Variants in BANP observed in about 807,000 individuals in gnomAD.
The protein encoded by BANP is BTG3 associated nuclear protein.
Under a neutral mutation model 68.1 loss-of-function variants are expected in BANP, and 11 were observed. The observed-to-expected ratio is 0.16, with a 90% CI of 0.10 to 0.27. The LOEUF (loss-of-function observed/expected upper bound fraction) is 0.27. Among genes scored for constraint, BANP ranks in the 10% least tolerant of loss-of-function variants. The probability of loss-of-function intolerance (pLI) is 1.00; values close to 1 mark genes in which losing one functional copy is unlikely to be tolerated. For synonymous variants in BANP, 329 were observed against 303.2 expected, an observed-to-expected ratio of 1.09 and a Z score of -0.88; for missense variants, 504 against 722.7, an observed-to-expected ratio of 0.70 and a Z score of 3.47.
Position 87,987,712 on chromosome 16 carries a change from CAAAAAAAA to C in BANP, c.362+3473_362+3480del, listed in dbSNP as rs66648819. On this transcript the variant is annotated intron_variant, in intron 4 of 13. Coordinates refer to ENST00000682872, the MANE Select transcript of BANP (RefSeq NM_001386991.1). ...CTCCAGGCTGAGCGAGACCCTAACT[CAAAAAAAA>C]AAAAAAAAAAAAAAAAAAAGGATGT... 1.1e-3 allele frequency among the ~76,000 whole-genome samples: 32 copies of C among 30,366 alleles called. 1 individual carries two copies. The highest frequency in any genetic ancestry group is 2.4e-3 in the African/African-American group (19 of 7,906). The allele number at this position is 30,366 out of a possible 152,430, so 19.9% of individuals were successfully genotyped here. A position where few individuals can be genotyped will look rare whatever the true frequency, so the allele number is the denominator to read the frequency against.
chr16:88,064,527 G>A lies in BANP; in HGVS notation c.1312-740G>A, dbSNP rs893564152. Among the ~76,000 whole-genome samples, 2 of 152,378 alleles carry A rather than the reference G, an allele frequency of 1.3e-5. No homozygotes were observed. The highest frequency in any genetic ancestry group is 3.4e-3 in the Middle Eastern group (1 of 294). On this transcript the variant is annotated intron_variant, in intron 11 of 13. Coordinates refer to ENST00000682872, the MANE Select transcript of BANP (RefSeq NM_001386991.1). This position sits in a 1 kb window ranked among gnomAD's most constrained non-coding sequence, Gnocchi z 4.5. ...AGATGCTCCCAGGATGCGGCTAGGC[G>A]TCCAGGCCAGCATCGGGTTGGCTGA...
At chr16:88,031,911 T>A (rs1323421947) in intron 8 of BANP, among the ~76,000 whole-genome samples, 2 of 151,550 alleles carry the variant, frequency 1.3e-5, no homozygotes, top group African/African-American at 4.9e-5. Context: ...TTCAAGTGGT[T>A]CTCCTACTTC....
intron 1 of BANP, among the ~76,000 whole-genome samples, chr16:87,974,535 G>A (rs2061676246): frequency 6.6e-6 from 1 of 152,226 alleles, no homozygotes; most frequent in African/African-American, 2.4e-5. Flanking sequence ...AACGGAGTAT[G>A]GGTTGTAGTC....
At chr16:87,988,818 G>C (rs1276114011) in intron 4 of BANP, among the ~76,000 whole-genome samples, 1 of 152,178 alleles carries the variant, frequency 6.6e-6, no homozygotes, top group Non-Finnish European at 1.5e-5. Flanking sequence ...GTTTAGAGCG[G>C]CTGCATCTGC....
intron 1 of BANP, among the ~76,000 whole-genome samples, chr16:87,972,736 C>A (rs901499653): frequency 3.3e-5 from 5 of 152,222 alleles, no homozygotes; most frequent in African/African-American, 1.2e-4. Context: ...TCCCCTCCCA[C>A]CTTTAATGAG....
At chr16:88,011,567 A>G (rs911494321) in intron 6 of BANP, among the ~76,000 whole-genome samples, 1 of 152,252 alleles carries the variant, frequency 6.6e-6, no homozygotes, top group African/African-American at 2.4e-5. Context: ...AACAAAATAA[A>G]AGCAGCCCAC....
chr16:88,013,993 C>G (rs75885601), intron 6 of BANP, among the ~76,000 whole-genome samples: 2 of 152,158 alleles, frequency 1.3e-5, no homozygotes, highest in African/African-American at 4.8e-5. Flanking sequence ...GAGCTGTGAG[C>G]CGCAAACACA....
At chr16:88,039,974 A>G (rs2080340058) in intron 11 of BANP, among the ~76,000 whole-genome samples, 2 of 152,234 alleles carry the variant, frequency 1.3e-5, no homozygotes, top group Admixed American at 1.3e-4. Flanking sequence ...TATGTGAAAC[A>G]AATAATAATT....
At chr16:88,042,187 G>C (rs1437610500) in intron 11 of BANP, among the ~76,000 whole-genome samples, 2 of 152,258 alleles carry the variant, frequency 1.3e-5, no homozygotes, top group Non-Finnish European at 2.9e-5. Context: ...CCAGTGTTGG[G>C]GGGTAGCAGT....
chr16:87,976,292 T>C (rs1398458528), intron 2 of BANP, among the ~76,000 whole-genome samples: 1 of 152,114 alleles, frequency 6.6e-6, no homozygotes, highest in African/African-American at 2.4e-5. Context: ...TGAGAACAAG[T>C]TTTTTCTACA....
Position 88,072,131 on chromosome 16 carries a change from T to A in BANP, c.1440T>A (p.Asp480Glu). The change falls in exon 13 of 14, where the codon GAT becomes GAA. Residue 480 changes from aspartate to glutamate, a missense_variant. Asp to Glu is a conservative substitution (Grantham distance 45). This residue lies in a region of BANP where 223 missense variants were observed against 246.2 expected (regional missense o/e 0.91). Transcript: ENST00000682872. ...CGGACCCCGCGGCGGCGGGCGTGGATGGGTCGCCACTCCAGGGCAGCGACA... is the reference window on the plus strand; with the variant it reads ...CGGACCCCGCGGCGGCGGGCGTGGAAGGGTCGCCACTCCAGGGCAGCGACA... The part of the protein sequence containing the change: ...ASSDPAAAGV[D>E]GSPLQGSDIQ... 1 of 1,610,018 alleles carries A rather than the reference T, an allele frequency of 6.2e-7. No individual in the cohort carries two copies. Among genetic ancestry groups the A allele is most frequent in the South Asian group, 1.1e-5 (1 of 90,646 alleles).
chr16:87,970,898 T>A (rs2060983163), intron 1 of BANP, among the ~76,000 whole-genome samples: 1 of 151,726 alleles, frequency 6.6e-6, no homozygotes, highest in South Asian at 2.1e-4. Flanking sequence ...GCACCTATAA[T>A]CACAGCTACT....
chr16:88,034,073 T>C (rs1023037977), intron 9 of BANP, among the ~76,000 whole-genome samples: 42 of 152,154 alleles, frequency 2.8e-4, no homozygotes, highest in African/African-American at 1.0e-3. Context: ...TCCTCCACTA[T>C]TGAGAGTGGG....
chr16:87,958,423 C>G (rs2058514501), intron 1 of BANP, among the ~76,000 whole-genome samples: 1 of 152,166 alleles, frequency 6.6e-6, no homozygotes, highest in Admixed American at 6.5e-5. Flanking sequence ...ATCGTAGGCC[C>G]CAGTCGAGAG....
At chr16:88,059,552 C>T (rs1314509278) in intron 11 of BANP, among the ~76,000 whole-genome samples, 2 of 152,116 alleles carry the variant, frequency 1.3e-5, no homozygotes, top group Non-Finnish European at 2.9e-5. Flanking sequence ...GGCCACAGGA[C>T]CCTCCCCATC....
intron 1 of BANP, chr16:87,969,930 CAG>C (rs2060814662): frequency 1.8e-5 from 2 of 109,028 alleles, no homozygotes; most frequent in Non-Finnish European, 3.3e-5. Context: ...TTTTTTTTGA[CAG>C]AGTCTTGCTC....
intron 6 of BANP, among the ~76,000 whole-genome samples, chr16:88,006,947 CAAAA>C (rs11349895): frequency 1.1e-4 from 9 of 81,668 alleles, no homozygotes; most frequent in African/African-American, 2.5e-4. Flanking sequence ...GACTCTGTCT[CAAAA>C]AAAAAAAAAA....
Position 88,004,490 on chromosome 16 carries a change from A to G in BANP, c.479+79A>G. 2 of 813,960 alleles carry G rather than the reference A, an allele frequency of 2.5e-6. No homozygotes were observed. Among genetic ancestry groups the G allele is most frequent in the Non-Finnish European group, 3.9e-6 (2 of 511,242 alleles). 50.4% of individuals were successfully genotyped at this position (813,960 alleles called of 1,614,324 possible). A position where few individuals can be genotyped will look rare whatever the true frequency, so the allele number is the denominator to read the frequency against. The stretch of plus-strand genomic sequence containing the variant: ...GAGAATAAGTCAACGTCCCTAAGCC[A>G]GGGCACAGTCCAGCACACGCTTCAT... On this transcript the variant is annotated intron_variant, in intron 5 of 13. Coordinates refer to ENST00000682872, the MANE Select transcript of BANP (RefSeq NM_001386991.1). The surrounding 1 kb of genome is among the most constrained non-coding windows in gnomAD (Gnocchi z 7.0).
chr16:87,974,545 C>G (rs1295775717), intron 1 of BANP, among the ~76,000 whole-genome samples: 1 of 152,166 alleles, frequency 6.6e-6, no homozygotes, highest in Non-Finnish European at 1.5e-5. Flanking sequence ...GGGTTGTAGT[C>G]TAGATGGATG....
Sources: allele counts gnomAD v4.1 joint callset (sites outside exome capture counted in the v4.1 genomes callset), GRCh38; gene constraint gnomAD v4.1.1; regional missense constraint gnomAD v4.1.1; non-coding constraint Gnocchi (gnomAD v3.1); transcripts MANE v1.5; gene names NCBI Gene and HGNC (gene_info 2026-07-23, HGNC 2026-07-21).